Variants in ITPR1 observed in about 807,000 individuals in gnomAD.
ITPR1 encodes the protein inositol 1,4,5-trisphosphate receptor type 1, also known as inositol 1,4,5-trisphosphate-gated calcium channel ITPR1.
In ITPR1, 96 loss-of-function variants were observed where a neutral mutation model predicts 318.4. The ratio of observed to expected loss-of-function variants is 0.30; its 90% CI spans 0.26 to 0.36. The LOEUF (loss-of-function observed/expected upper bound fraction) is 0.36, where lower values mean the gene tolerates loss of function less well. Among genes scored for constraint, ITPR1 ranks in the 10% least tolerant of loss-of-function variants. The pLI, the probability that ITPR1 is intolerant of heterozygous loss-of-function variation, is 1.00. For synonymous variants in ITPR1, 1,312 were observed against 1,289.9 expected (o/e 1.02, Z -0.37); for missense variants, 2,440 against 3,460.2 (o/e 0.71, Z 7.40).
intron 3 of ITPR1, among the ~76,000 whole-genome samples, chr3:4,519,307 C>T (rs1298720438): frequency 6.6e-6 from 1 of 151,996 alleles, no homozygotes; most frequent in Non-Finnish European, 1.5e-5. Flanking sequence ...GCTCACTGCA[C>T]CCTCCACCTC....
intron 44 of ITPR1, among the ~76,000 whole-genome samples, chr3:4,745,124 C>T (rs1469983884): frequency 6.7e-6 from 1 of 148,528 alleles, no homozygotes; most frequent in Non-Finnish European, 1.5e-5. Flanking sequence ...CCCTCCTTCC[C>T]TCCCTCCCTC....
At chr3:4,785,985 A>AG (rs1176306287) in intron 51 of ITPR1, among the ~76,000 whole-genome samples, 2 of 152,182 alleles carry the variant, frequency 1.3e-5, no homozygotes, top group Non-Finnish European at 2.9e-5. Flanking sequence ...GTTACTACCA[A>AG]GGGCTTTCCA....
chr3:4,625,216 G>A (rs1037936570), intron 4 of ITPR1, among the ~76,000 whole-genome samples: 2 of 150,144 alleles, frequency 1.3e-5, no homozygotes, highest in Non-Finnish European at 3.0e-5. Flanking sequence ...ACAATTAAGT[G>A]ATCTTTTTTT....
At chr3:4,582,568 A>T (rs961598064) in intron 4 of ITPR1, among the ~76,000 whole-genome samples, 1 of 152,248 alleles carries the variant, frequency 6.6e-6, no homozygotes, top group Non-Finnish European at 1.5e-5. Flanking sequence ...GGACAAAAAA[A>T]GATCCAAGAT....
intron 4 of ITPR1, among the ~76,000 whole-genome samples, chr3:4,604,606 T>G (rs2091558282): frequency 6.6e-6 from 1 of 152,084 alleles, no homozygotes; most frequent in Admixed American, 6.5e-5. Flanking sequence ...AGAAAGGAAT[T>G]CATGACTCTT....
At chr3:4,664,576 G>T (rs942672678) in intron 16 of ITPR1, among the ~76,000 whole-genome samples, 4 of 152,230 alleles carry the variant, frequency 2.6e-5, no homozygotes, top group African/African-American at 9.6e-5. Flanking sequence ...ATGTCCAGCT[G>T]TTGTTTCATG....
chr3:4,521,581 G>A (rs2082570176), intron 4 of ITPR1, among the ~76,000 whole-genome samples: 1 of 152,082 alleles, frequency 6.6e-6, no homozygotes, highest in Non-Finnish European at 1.5e-5. Flanking sequence ...TGGGCACAGT[G>A]GCGCATGCTT....
chr3:4,727,074 G>A (rs2042569880), intron 41 of ITPR1, 52 bp from the exon 42 acceptor site: 1 of 1,354,618 alleles, frequency 7.4e-7, no homozygotes, highest in Non-Finnish European at 1.0e-6. Flanking sequence ...TGCTGCAGAT[G>A]GTAGTGTCTC....
chr3:4,806,083 G>A lies in ITPR1; in HGVS notation c.7108-20G>A, dbSNP rs751398655. On this transcript the variant is annotated intron_variant, in intron 54 of 61. Coordinates refer to ENST00000649015, the MANE Select transcript of ITPR1 (RefSeq NM_001378452.1). Reference sequence around the variant, plus strand: ...TTGGCACAGTCCGTGCCATCTGACTGTTCCTGTCATTGTTCTCAGGTATGC... The same window carrying A: ...TTGGCACAGTCCGTGCCATCTGACTATTCCTGTCATTGTTCTCAGGTATGC... The A allele has an allele frequency of 5.0e-6, 8 of 1,607,152 alleles. No homozygotes were observed. Among genetic ancestry groups the A allele is most frequent in the South Asian group, 1.1e-5 (1 of 90,190 alleles).
In ITPR1 at chr3:4,667,614, G is replaced by A. The variant is rs1325042253; in HGVS notation, c.1886+65G>A. On this transcript the variant is annotated intron_variant, in intron 18 of 61. Transcript: ENST00000649015. ...CCTGTAAGATGCAGGGACTTAGCTGGTGCTTTTTACTACGTTTCCTTGTGC... is the reference window on the plus strand; with the variant it reads ...CCTGTAAGATGCAGGGACTTAGCTGATGCTTTTTACTACGTTTCCTTGTGC... The A allele has an allele frequency of 7.5e-6, 11 of 1,472,232 alleles. No homozygotes were observed. The South Asian group carries it at 8.1e-5, about 11-fold the overall frequency. The allele number at this position is 1,472,232 out of a possible 1,614,324, so 91.2% of individuals were successfully genotyped here.
intron 4 of ITPR1, among the ~76,000 whole-genome samples, chr3:4,525,143 G>A (rs939039327): frequency 6.6e-6 from 1 of 152,030 alleles, no homozygotes; most frequent in Admixed American, 6.6e-5. Context: ...CCCTGGGCTT[G>A]GATTTGAGCC....
intron 4 of ITPR1, among the ~76,000 whole-genome samples, chr3:4,622,314 C>G (rs1331723263): frequency 6.6e-6 from 1 of 150,826 alleles, no homozygotes; most frequent in Non-Finnish European, 1.5e-5. Flanking sequence ...GGGGTTTCAC[C>G]ATGTTGGCCA....
rs1181819079 is a variant in ITPR1 at position 4,639,498 on chromosome 3, A to G, written c.366+28A>G. The G allele has an allele frequency of 4.1e-6, 6 of 1,480,244 alleles. No homozygotes were observed. The Admixed American group carries it at 7.7e-5, about 19-fold the overall frequency. 91.7% of individuals were successfully genotyped at this position (1,480,244 alleles called of 1,614,324 possible). ...AGGTCAAGGCAGCTCTTCCCTTCTG[A>G]AGCTGAAGCGTTACAAAGAATGCAG... On this transcript the variant is annotated intron_variant, in intron 6 of 61. Transcript: ENST00000649015.
rs552264952 is a variant in ITPR1, at chr3:4,696,535, C to T, written c.4282-612C>T. On this transcript the variant is annotated intron_variant, in intron 33 of 61. Transcript: ENST00000649015. Reference sequence around the variant, plus strand: ...AGTTGATGGTGATTTGGATTGTTTCCGCTTTTTGACTATTGTGAATAATGC... The same window carrying T: ...AGTTGATGGTGATTTGGATTGTTTCTGCTTTTTGACTATTGTGAATAATGC... Among the ~76,000 whole-genome samples, 7 of 152,202 alleles carry T rather than the reference C, an allele frequency of 4.6e-5. No homozygotes were observed. The South Asian group carries it at 8.3e-4, about 18-fold the overall frequency.
chr3:4,680,632 C>A lies in ITPR1; in HGVS notation c.3047C>A (p.Ser1016Tyr). ...IFKREFDESN[S>Y]QTSETSSGNS... ...AAGCGAGAGTTTGATGAAAGCAATT[C>A]CCAGACTTCAGAAACATCCTCCGGA... is the stretch of plus-strand genomic sequence containing the variant. The change falls in exon 25 of 62, where the codon TCC becomes TAC. Residue 1016 changes from serine to tyrosine, a missense_variant. By Grantham distance (144) the Ser-to-Tyr change is moderately radical. Coordinates refer to ENST00000649015, the MANE Select transcript of ITPR1 (RefSeq NM_001378452.1). 6.2e-7 allele frequency: 1 copy of A among 1,613,658 alleles called. No individual in the cohort carries two copies.
intron 10 of ITPR1, 92 bp from the exon 11 acceptor site, chr3:4,652,031 T>C: frequency 1.1e-6 from 1 of 950,646 alleles, no homozygotes; most frequent in South Asian, 1.4e-5. Context: ...CTTATAAACA[T>C]CCCTCCTGAA....
intron 4 of ITPR1, among the ~76,000 whole-genome samples, chr3:4,586,289 G>C (rs184947519): frequency 2.6e-5 from 4 of 151,976 alleles, no homozygotes; most frequent in South Asian, 2.1e-4. Flanking sequence ...AGCTTTACCC[G>C]TTTCTACCAT....
chr3:4,775,543 T>A, intron 47 of ITPR1, 101 bp downstream of exon 47: 1 of 862,944 alleles, frequency 1.2e-6, no homozygotes, highest in Non-Finnish European at 1.9e-6. Context: ...CCTGTTGGCC[T>A]AGGGAGTCAG....
intron 54 of ITPR1, 84 bp downstream of exon 54, chr3:4,800,684 T>A (rs909364950): frequency 7.2e-7 from 1 of 1,383,324 alleles, no homozygotes; most frequent in African/African-American, 1.4e-5. Flanking sequence ...AATCCTGGCC[T>A]GTGCTTTCAG....
Sources: gnomAD v4.1 joint callset for allele counts (sites outside exome capture counted in the v4.1 genomes callset) on GRCh38, gnomAD v4.1.1 for gene constraint, MANE v1.5 for transcripts, NCBI Gene and HGNC (gene_info 2026-07-23, HGNC 2026-07-21) for gene names.